DRAM2: variants seen among roughly 807,000 people sequenced by gnomAD.
DRAM2 encodes DNA damage-regulated autophagy modulator protein 2.
DRAM2 carries 26 observed loss-of-function variants against 33.5 expected under a neutral mutation model. The ratio of observed to expected loss-of-function variants is 0.78; its 90% CI spans 0.57 to 1.08. The LOEUF (loss-of-function observed/expected upper bound fraction) is 1.08, where lower values mean the gene tolerates loss of function less well. Among genes scored for constraint, DRAM2 ranks in the 50% least tolerant of loss-of-function variants. The pLI, the probability that DRAM2 is intolerant of heterozygous loss-of-function variation, is 0.00. For missense variants in DRAM2, 311 were observed against 318.1 expected (o/e 0.98, Z 0.17); for synonymous variants, 98 against 109.5 (o/e 0.89, Z 0.66).
chr1:111,120,060 C>A, intron 7 of DRAM2, 101 bp from the exon 8 acceptor site: 1 of 1,008,472 alleles, frequency 9.9e-7, no homozygotes, highest in South Asian at 1.4e-5. Flanking sequence ...TTGCTAAGGT[C>A]TAAACCCATT....
At chr1:111,128,057 A>G (rs1291084685) in intron 4 of DRAM2, 1 of 152,144 alleles carries the variant, frequency 6.6e-6, no homozygotes, top group Admixed American at 6.5e-5. Context: ...CACTTATAGC[A>G]AAATTGTCTT....
chr1:111,131,956 T>C (rs977401685), intron 3 of DRAM2, among the ~76,000 whole-genome samples: 1 of 152,228 alleles, frequency 6.6e-6, no homozygotes, highest in African/African-American at 2.4e-5. Flanking sequence ...TACATATGTA[T>C]TTGGTCTTCA....
At chr1:111,120,742 A>AT in intron 6 of DRAM2, 49 bp from the exon 7 acceptor site, 1 of 1,422,138 alleles carries the variant, frequency 7.0e-7, no homozygotes. Context: ...CTCAGAACAC[A>AT]TTGGCAACAC....
Position 111,124,765 on chromosome 1 carries a change from G to C in DRAM2, c.316C>G (p.Leu106Val). 6.2e-7 allele frequency: 1 copy of C among 1,613,404 alleles called. No homozygotes were observed. Among genetic ancestry groups the C allele is most frequent in the Non-Finnish European group, 8.5e-7 (1 of 1,179,642 alleles). ...LVLGILSCLG[L>V]SIVANFQKTT... is the part of the protein sequence containing the mutation. ...ACCTGGAAGTTTGCCACAATAGAAA[G>C]TCCTAAACAACTCAGTATTCCAAGT... Residue 106 changes from leucine to valine, a missense_variant, in exon 6 of 10, where the codon CTT (leucine) becomes GTT (valine). Leu to Val is a conservative substitution (Grantham distance 32, BLOSUM62 1). Transcript: ENST00000484310.
rs140478244 is a variant in DRAM2, at chr1:111,123,712, A to T, written c.339+1030T>A. Among the ~76,000 whole-genome samples the T allele has an allele frequency of 4.6e-3, 693 of 152,184 alleles. 4 individuals carry two copies. The highest frequency in any genetic ancestry group is 0.01 in the Middle Eastern group (3 of 294). ...GCAGGTGTCTGGGTCACAGGGGTGGATCCCTCATGAATAGACTGATGTGGG... is the reference window on the plus strand; with the variant it reads ...GCAGGTGTCTGGGTCACAGGGGTGGTTCCCTCATGAATAGACTGATGTGGG... On this transcript the variant is annotated intron_variant, in intron 6 of 9. Coordinates refer to ENST00000484310, the MANE Select transcript of DRAM2 (RefSeq NM_001349884.2).
intron 2 of DRAM2, 147 bp from the exon 3 acceptor site, chr1:111,137,733 T>A (rs1325603632): frequency 1.3e-5 from 2 of 152,132 alleles, no homozygotes; most frequent in African/African-American, 2.4e-5. Flanking sequence ...CTTTGATGAG[T>A]TGACACTTGA....
intron 4 of DRAM2, among the ~76,000 whole-genome samples, chr1:111,127,415 T>C (rs1037280645): frequency 6.6e-6 from 1 of 152,020 alleles, no homozygotes; most frequent in Non-Finnish European, 1.5e-5. Flanking sequence ...TAAACATGAA[T>C]TGTAAGGATT....
At chr1:111,128,998 G>A (rs1490542483) in intron 4 of DRAM2, among the ~76,000 whole-genome samples, 2 of 152,000 alleles carry the variant, frequency 1.3e-5, no homozygotes, top group African/African-American at 4.8e-5. Flanking sequence ...TTCTCGAATT[G>A]GAACCTTAAA....
At chr1:111,119,809 A>G (rs1458487637) in intron 8 of DRAM2, 68 bp downstream of exon 8, 7 of 1,265,774 alleles carry the variant, frequency 5.5e-6, no homozygotes, top group Non-Finnish European at 8.0e-6. Flanking sequence ...GAAATGAAAA[A>G]CATATCAAGA....
rs1199672157 is a variant in DRAM2, at chr1:111,117,381, C to A, written c.*779G>T. ...TATCTGCTGTTATTCCCAAACTTCT[C>A]AATGTTACATGAATACTAACCCTTG... On this transcript the variant is annotated 3_prime_UTR_variant, in exon 10 of 10. Transcript: ENST00000484310. 1 of 152,030 alleles carries A rather than the reference C, an allele frequency of 6.6e-6. No individual in the cohort carries two copies. Among genetic ancestry groups the A allele is most frequent in the Non-Finnish European group, 1.5e-5 (1 of 67,948 alleles). The allele number at this position is 152,030 out of a possible 1,614,324, so 9.4% of individuals were successfully genotyped here.
At chr1:111,132,192 G>A (rs1411463216) in intron 3 of DRAM2, among the ~76,000 whole-genome samples, 2 of 152,124 alleles carry the variant, frequency 1.3e-5, no homozygotes, top group Admixed American at 6.5e-5. Context: ...TGTGTAATGA[G>A]GCACCCATAA....
intron 2 of DRAM2, among the ~76,000 whole-genome samples, 154 bp downstream of exon 2, chr1:111,139,347 A>T (rs1236355605): frequency 1.3e-5 from 2 of 152,202 alleles, no homozygotes; most frequent in Non-Finnish European, 2.9e-5. Flanking sequence ...AGGACCAGCA[A>T]TTTCCTTTCT....
At chr1:111,120,040 C>A in intron 7 of DRAM2, 81 bp from the exon 8 acceptor site, 1 of 1,227,400 alleles carries the variant, frequency 8.1e-7, no homozygotes, top group East Asian at 2.4e-5. Context: ...AAGGATTACT[C>A]ACACATTTAT....
chr1:111,130,661 C>T (rs966322516), intron 4 of DRAM2, among the ~76,000 whole-genome samples: 3 of 149,356 alleles, frequency 2.0e-5, no homozygotes, highest in Non-Finnish European at 4.4e-5. Flanking sequence ...GATTGTGCCA[C>T]TGCACTCCAG....
At chr1:111,130,784 C>G (rs1651918231) in intron 4 of DRAM2, among the ~76,000 whole-genome samples, 1 of 150,378 alleles carries the variant, frequency 6.6e-6, no homozygotes, top group East Asian at 1.9e-4. Flanking sequence ...ATCACAAAGT[C>G]AGGAGTTCAA....
chr1:111,118,005 G>C lies in DRAM2; in HGVS notation c.*155C>G, dbSNP rs1258565085. 1 of 663,456 alleles carries C rather than the reference G, an allele frequency of 1.5e-6. No homozygotes were observed. Among genetic ancestry groups the C allele is most frequent in the African/African-American group, 1.8e-5 (1 of 55,136 alleles). The allele number at this position is 663,456 out of a possible 1,614,324, so 41.1% of individuals were successfully genotyped here. On this transcript the variant is annotated 3_prime_UTR_variant, in exon 10 of 10. Transcript: ENST00000484310. The stretch of plus-strand genomic sequence containing the variant: ...TATCCTTTAGAATAATCTATCAAAT[G>C]GCTTCTTTCATGTTTCCTGATTATC...
chr1:111,131,656 A>G (rs1652112347), intron 3 of DRAM2, 88 bp from the exon 4 acceptor site: 2 of 1,283,466 alleles, frequency 1.6e-6, no homozygotes, highest in Admixed American at 2.1e-5. Context: ...CCTTGTACTT[A>G]CCACCCCAAG....
intron 6 of DRAM2, among the ~76,000 whole-genome samples, chr1:111,123,279 C>A (rs1347952483): frequency 1.3e-5 from 2 of 152,090 alleles, no homozygotes; most frequent in Non-Finnish European, 2.9e-5. Context: ...CTCCAGGGTC[C>A]ATTTTTTCTG....
At position 111,117,317 on chromosome 1, in the gene DRAM2, TAAG is replaced by T. The variant is rs1649116999; in HGVS notation, c.*840_*842del. 6.6e-6 allele frequency: 1 copy of T among 152,114 alleles called. No individual in the cohort carries two copies. The highest frequency in any genetic ancestry group is 2.4e-5 in the African/African-American group (1 of 41,458). The allele number at this position is 152,114 out of a possible 1,614,324, so 9.4% of individuals were successfully genotyped here. ...TTATAACTTGCCATAAATGAAAATC[TAAG>T]AAGCTCTTGAGTATGGTTATGACTT... is the stretch of plus-strand genomic sequence containing the variant. On this transcript the variant is annotated 3_prime_UTR_variant, in exon 10 of 10. Coordinates refer to ENST00000484310, the MANE Select transcript of DRAM2 (RefSeq NM_001349884.2).
Sources: allele counts gnomAD v4.1 joint callset (sites outside exome capture counted in the v4.1 genomes callset), GRCh38; gene constraint gnomAD v4.1.1; transcripts MANE v1.5; gene names NCBI Gene and HGNC (gene_info 2026-07-23, HGNC 2026-07-21).